The following RBM47 variants were observed in gnomAD, a reference collection of about 807,000 sequenced individuals.
RBM47 encodes RNA-binding protein 47.
Under a neutral mutation model 47.1 loss-of-function variants are expected in RBM47, and 21 were observed. The observed-to-expected ratio is 0.45, with a 90% CI of 0.32 to 0.64. RBM47 has a LOEUF of 0.64. RBM47 is among the 30% of genes least tolerant of loss of function. RBM47 has a pLI of 0.05. For synonymous variants in RBM47, 375 were observed against 361.7 expected, an observed-to-expected ratio of 1.04 and a Z score of -0.42; for missense variants, 708 against 870.9, an observed-to-expected ratio of 0.81 and a Z score of 2.35.
intron 1 of RBM47, among the ~76,000 whole-genome samples, chr4:40,546,654 C>G (rs1310374214): frequency 6.6e-6 from 1 of 152,182 alleles, no homozygotes; most frequent in Admixed American, 6.6e-5. Context: ...GCCAAATTAA[C>G]TAAGGTTGAG....
At chr4:40,521,927 A>G (rs563618223) in intron 2 of RBM47, among the ~76,000 whole-genome samples, 1 of 152,328 alleles carries the variant, frequency 6.6e-6, no homozygotes, top group Admixed American at 6.5e-5. Context: ...ATTTATCACC[A>G]CAAGCTTGAC....
chr4:40,434,450 A>G (rs2154211064), intron 5 of RBM47, among the ~76,000 whole-genome samples: 1 of 152,312 alleles, frequency 6.6e-6, no homozygotes, highest in East Asian at 1.9e-4. Context: ...CTCAGGCTCC[A>G]GGACACAACT....
intron 1 of RBM47, among the ~76,000 whole-genome samples, chr4:40,573,620 G>A (rs1181964292): frequency 6.6e-6 from 1 of 151,680 alleles, no homozygotes; most frequent in Non-Finnish European, 1.5e-5. Context: ...GCATGTGCCT[G>A]TAGTCCCAGC....
chr4:40,438,738 C>T lies in RBM47; in HGVS notation c.156G>A (p.Gln52=). The change falls in exon 4 of 7, where the codon CAG becomes CAA. Residue 52 remains glutamine, a synonymous_variant. Transcript: ENST00000295971. ...TGYSMVQENG[Q]RKYGGPPPGW... is the part of the protein sequence containing the mutation. Reference sequence around the variant, plus strand: ...CGGGCGGTGGGCCGCCGTACTTGCGCTGCCCGTTCTCTTGCACCATGCTGT... The same window carrying T: ...CGGGCGGTGGGCCGCCGTACTTGCGTTGCCCGTTCTCTTGCACCATGCTGT... 6.2e-6 allele frequency: 10 copies of T among 1,601,656 alleles called. No homozygotes were observed. The highest frequency in any genetic ancestry group is 8.5e-6 in the Non-Finnish European group (10 of 1,176,380).
intron 2 of RBM47, among the ~76,000 whole-genome samples, chr4:40,510,193 A>G (rs868737031): frequency 0.03 from 4,466 of 150,680 alleles, 192 homozygotes; most frequent in African/African-American, 0.095. Flanking sequence ...ATCTCAAAAA[A>G]AAAAAAAAAA....
At chr4:40,559,147 CT>C (rs1730376094) in intron 1 of RBM47, among the ~76,000 whole-genome samples, 1 of 152,088 alleles carries the variant, frequency 6.6e-6, no homozygotes, top group African/African-American at 2.4e-5. Context: ...GCATTTGCCC[CT>C]CAGTAATGGT....
At chr4:40,516,480 G>A (rs1469792266) in intron 2 of RBM47, among the ~76,000 whole-genome samples, 4 of 151,762 alleles carry the variant, frequency 2.6e-5, no homozygotes, top group African/African-American at 4.8e-5. Context: ...GGCTGGTCTC[G>A]AACTCCTGAC....
intron 2 of RBM47, chr4:40,544,118 G>T (rs1464228351): frequency 6.6e-6 from 1 of 152,104 alleles, no homozygotes; most frequent in Admixed American, 6.6e-5. Context: ...GCTACAGGAA[G>T]AACCCACCAC....
intron 2 of RBM47, among the ~76,000 whole-genome samples, chr4:40,537,890 T>C (rs908279716): frequency 9.3e-5 from 14 of 151,200 alleles, no homozygotes; most frequent in African/African-American, 3.2e-4. Flanking sequence ...TAGAGTGCAG[T>C]GGCACAATCA....
intron 1 of RBM47, among the ~76,000 whole-genome samples, chr4:40,579,678 G>A (rs1732694466): frequency 6.6e-6 from 1 of 151,922 alleles, no homozygotes; most frequent in African/African-American, 2.4e-5. Flanking sequence ...ACATTCCCAA[G>A]AAGCTCTGAA....
At chr4:40,569,224 G>A (rs1374213361) in intron 1 of RBM47, among the ~76,000 whole-genome samples, 2 of 151,826 alleles carry the variant, frequency 1.3e-5, no homozygotes, top group African/African-American at 4.8e-5. Context: ...AACTCACAGA[G>A]AATACCATAG....
intron 4 of RBM47, 153 bp from the exon 5 acceptor site, chr4:40,436,800 C>A: frequency 1.3e-6 from 1 of 752,030 alleles, no homozygotes; most frequent in Non-Finnish European, 2.3e-6. Flanking sequence ...ATGCTTCCAA[C>A]ATTCTATTTC....
At chr4:40,442,149 CAT>C (rs1214776502) in intron 3 of RBM47, among the ~76,000 whole-genome samples, 2 of 152,194 alleles carry the variant, frequency 1.3e-5, no homozygotes, top group Non-Finnish European at 2.9e-5. Flanking sequence ...TTATTGTTCA[CAT>C]GTTCTTATAA....
At chr4:40,463,327 C>T (rs1225644108) in intron 3 of RBM47, among the ~76,000 whole-genome samples, 1 of 152,070 alleles carries the variant, frequency 6.6e-6, no homozygotes, top group African/African-American at 2.4e-5. Flanking sequence ...CATGATATAC[C>T]GCTTCACACT....
chr4:40,554,606 A>G (rs1376026968), intron 1 of RBM47, among the ~76,000 whole-genome samples: 1 of 152,166 alleles, frequency 6.6e-6, no homozygotes, highest in Non-Finnish European at 1.5e-5. Context: ...AAGAGGCACT[A>G]CAACTCTGAA....
At position 40,438,112 on chromosome 4, in the gene RBM47, G is replaced by A; in HGVS notation, c.782C>T (p.Thr261Ile). Residue 261 changes from threonine (T) to isoleucine (I), a missense_variant, in exon 4 of 7, where the codon ACC becomes ATC. By Grantham distance (89) the Thr-to-Ile change is moderately conservative. Coordinates refer to ENST00000295971, the MANE Select transcript of RBM47 (RefSeq NM_001098634.2). The stretch of plus-strand genomic sequence containing the variant: ...GAACTGGCCGAAGCTCTTCTTGATG[G>A]TGTCCTCGGTGGTCTCGATCATGAG... Reference protein sequence around the residue: ...RNLMIETTEDTIKKSFGQFNP... With the variant: ...RNLMIETTEDIIKKSFGQFNP... 6.2e-7 allele frequency: 1 copy of A among 1,613,600 alleles called. No individual in the cohort carries two copies. Among genetic ancestry groups the A allele is most frequent in the Non-Finnish European group, 8.5e-7 (1 of 1,180,032 alleles).
chr4:40,446,788 A>G (rs1201181976), intron 3 of RBM47, among the ~76,000 whole-genome samples: 2 of 152,030 alleles, frequency 1.3e-5, no homozygotes, highest in African/African-American at 2.4e-5. Context: ...ACTTAAAAAA[A>G]AAATTGAACT....
At chr4:40,529,777 C>T (rs1207544535) in intron 2 of RBM47, among the ~76,000 whole-genome samples, 8 of 148,428 alleles carry the variant, frequency 5.4e-5, no homozygotes, top group Admixed American at 1.4e-4. Flanking sequence ...TGCAGTGAGC[C>T]GAGATTGTGC....
At chr4:40,432,908 G>A (rs779528433) in intron 5 of RBM47, 46 bp from the exon 6 acceptor site, 92 of 1,605,856 alleles carry the variant, frequency 5.7e-5, no homozygotes, top group South Asian at 2.3e-4. Context: ...ACTTTCAGTC[G>A]CTGAGTGGGG....
Sources: gnomAD v4.1 joint callset for allele counts (sites outside exome capture counted in the v4.1 genomes callset) on GRCh38, gnomAD v4.1.1 for gene constraint, MANE v1.5 for transcripts, NCBI Gene and HGNC (gene_info 2026-07-23, HGNC 2026-07-21) for gene names.